ROBO1: variants seen among roughly 807,000 people sequenced by gnomAD.
ROBO1 encodes the protein roundabout guidance receptor 1, also known as roundabout homolog 1.
ROBO1 carries 149 observed loss-of-function variants against 195.9 expected under a neutral mutation model. That is an observed-to-expected ratio of 0.76 (90% CI 0.67 to 0.87). The LOEUF is 0.87. Among genes scored for constraint, ROBO1 ranks in the 40% least tolerant of loss-of-function variants. The pLI is 0.00. For missense variants in ROBO1, 1,933 were observed against 2,068.3 expected (o/e 0.93, Z 1.27); for synonymous variants, 816 against 733.2 (o/e 1.11, Z -1.82).
At chr3:79,053,181 G>A (rs1000831019) in intron 3 of ROBO1, among the ~76,000 whole-genome samples, 3 of 151,700 alleles carry the variant, frequency 2.0e-5, no homozygotes, top group Non-Finnish European at 4.4e-5. Flanking sequence ...CCAATCCCAT[G>A]ACCCCCTAGA....
chr3:79,460,597 T>A (rs1338822787), intron 2 of ROBO1, among the ~76,000 whole-genome samples: 1 of 152,196 alleles, frequency 6.6e-6, no homozygotes, highest in Non-Finnish European at 1.5e-5. Flanking sequence ...CTTAAAATTA[T>A]GCCAATTTTT....
intron 4 of ROBO1, among the ~76,000 whole-genome samples, chr3:78,815,143 A>C (rs911179344): frequency 2.6e-5 from 4 of 152,064 alleles, no homozygotes; most frequent in African/African-American, 9.7e-5. Context: ...CTGAGACACA[A>C]AAATACTGAA....
At chr3:78,723,789 C>T (rs1328584448) in intron 5 of ROBO1, among the ~76,000 whole-genome samples, 1 of 151,868 alleles carries the variant, frequency 6.6e-6, no homozygotes, top group Non-Finnish European at 1.5e-5. Context: ...TTCTAAAGAC[C>T]CAGCTCTGGA....
chr3:79,219,921 AAT>A (rs2082109350), intron 2 of ROBO1, among the ~76,000 whole-genome samples: 1 of 152,090 alleles, frequency 6.6e-6, no homozygotes, highest in Non-Finnish European at 1.5e-5. Flanking sequence ...ATGAGGTACA[AAT>A]GTAAGCCATA....
intron 2 of ROBO1, among the ~76,000 whole-genome samples, chr3:79,526,121 T>C (rs1316958134): frequency 6.6e-6 from 1 of 152,202 alleles, no homozygotes; most frequent in Non-Finnish European, 1.5e-5. Flanking sequence ...GCTAGTCTTA[T>C]CTTCTCATAG....
intron 1 of ROBO1, among the ~76,000 whole-genome samples, chr3:79,594,215 T>C (rs1329995402): frequency 6.6e-6 from 1 of 152,046 alleles, no homozygotes; most frequent in Non-Finnish European, 1.5e-5. Flanking sequence ...CCTTTTGACA[T>C]ATTATCAATA....
At chr3:79,233,130 T>C (rs2082349365) in intron 2 of ROBO1, among the ~76,000 whole-genome samples, 1 of 151,128 alleles carries the variant, frequency 6.6e-6, no homozygotes, top group African/African-American at 2.4e-5. Context: ...TTTCTTATAA[T>C]AAAAAAAGAA....
intron 29 of ROBO1, among the ~76,000 whole-genome samples, chr3:78,604,672 T>C (rs1171129080): frequency 6.6e-6 from 1 of 152,196 alleles, no homozygotes; most frequent in Non-Finnish European, 1.5e-5. Flanking sequence ...TAGGAGTTCA[T>C]GCTGCAGTCA....
intron 5 of ROBO1, 75 bp from the exon 6 acceptor site, chr3:78,717,958 T>C (rs2081945007): frequency 7.2e-7 from 1 of 1,390,848 alleles, no homozygotes; most frequent in African/African-American, 1.4e-5. Flanking sequence ...TCTTCATAAG[T>C]GAAGACTGCT....
At chr3:78,720,111 A>G (rs2082006046) in intron 5 of ROBO1, among the ~76,000 whole-genome samples, 1 of 152,170 alleles carries the variant, frequency 6.6e-6, no homozygotes, top group Non-Finnish European at 1.5e-5. Flanking sequence ...CATTGTAAAA[A>G]TATGTTTTAA....
intron 18 of ROBO1, among the ~76,000 whole-genome samples, chr3:78,656,827 C>A (rs1264451384): frequency 1.3e-5 from 2 of 152,124 alleles, no homozygotes; most frequent in Non-Finnish European, 2.9e-5. Context: ...CCTGAAATAT[C>A]AAAAATGTGT....
chr3:79,220,253 A>T (rs1222300377), intron 2 of ROBO1, among the ~76,000 whole-genome samples: 2 of 152,058 alleles, frequency 1.3e-5, no homozygotes, highest in African/African-American at 4.8e-5. Flanking sequence ...ACAACAACTC[A>T]GGCAGGGCAA....
chr3:79,534,805 G>C (rs1266980325), intron 2 of ROBO1, among the ~76,000 whole-genome samples: 1 of 152,096 alleles, frequency 6.6e-6, no homozygotes, highest in Admixed American at 6.6e-5. Flanking sequence ...AATAGAATTT[G>C]AATCTGATCC....
intron 2 of ROBO1, among the ~76,000 whole-genome samples, chr3:79,569,645 ATGTGTG>A (rs112113543): frequency 9.4e-4 from 133 of 142,220 alleles, no homozygotes; most frequent in African/African-American, 1.3e-3. Context: ...ATGTATAGAT[ATGTGTG>A]TGTGTGTGTG....
At chr3:78,960,779 AACACACACAC>A (rs751349324) in intron 3 of ROBO1, among the ~76,000 whole-genome samples, 11,249 of 124,454 alleles carry the variant, frequency 0.09, 554 homozygotes, top group Admixed American at 0.14. Context: ...TCCGTATTAA[AACACACACAC>A]ACACACACAC....
chr3:78,935,376 C>T (rs1298960452), intron 4 of ROBO1, among the ~76,000 whole-genome samples: 1 of 151,976 alleles, frequency 6.6e-6, no homozygotes, highest in African/African-American at 2.4e-5. Flanking sequence ...TGTAGAGAGC[C>T]ATGTTCTACA....
At chr3:79,279,250 G>C (rs1029426542) in intron 2 of ROBO1, among the ~76,000 whole-genome samples, 1 of 151,942 alleles carries the variant, frequency 6.6e-6, no homozygotes, top group Admixed American at 6.6e-5. Context: ...TGGGTGACAA[G>C]AGCAATGCTC....
chr3:79,152,522 T>A (rs1468434415), intron 2 of ROBO1, among the ~76,000 whole-genome samples: 1 of 151,838 alleles, frequency 6.6e-6, no homozygotes, highest in African/African-American at 2.4e-5. Context: ...TAACACTGCT[T>A]TAGGTATCTG....
intron 2 of ROBO1, among the ~76,000 whole-genome samples, chr3:79,147,310 G>A (rs1427988173): frequency 2.0e-5 from 3 of 151,902 alleles, no homozygotes; most frequent in South Asian, 2.1e-4. Context: ...TCTGTTTGAC[G>A]AAAGCCAAGA....
Sources: gnomAD v4.1 joint callset for allele counts (sites outside exome capture counted in the v4.1 genomes callset) on GRCh38, gnomAD v4.1.1 for gene constraint, MANE v1.5 for transcripts, NCBI Gene and HGNC (gene_info 2026-07-23, HGNC 2026-07-21) for gene names.